PGBD5: variants seen among roughly 807,000 people sequenced by gnomAD.
PGBD5 encodes piggyBac transposable element-derived protein 5.
A neutral mutation model predicts 47.9 loss-of-function variants in PGBD5; 14 were observed. The observed-to-expected ratio is 0.29, with a 90% CI of 0.19 to 0.46. The LOEUF (loss-of-function observed/expected upper bound fraction) is 0.46, where lower values mean the gene tolerates loss of function less well. Among genes scored for constraint, PGBD5 ranks in the 20% least tolerant of loss-of-function variants. The probability of loss-of-function intolerance (pLI) is 1.00; values close to 1 mark genes in which losing one functional copy is unlikely to be tolerated. For synonymous variants in PGBD5, 316 were observed against 306.3 expected (o/e 1.03, Z -0.33); for missense variants, 635 against 716.0 (o/e 0.89, Z 1.29).
chr1:230,423,648 A>G (rs928995642), intron 1 of PGBD5, among the ~76,000 whole-genome samples: 4 of 152,184 alleles, frequency 2.6e-5, no homozygotes, highest in Non-Finnish European at 5.9e-5. Flanking sequence ...TCATCCCTCC[A>G]TTCTCCACCA....
chr1:230,417,159 C>A lies in PGBD5; in HGVS notation c.331+8439G>T, dbSNP rs138086666. Among the ~76,000 whole-genome samples the A allele has an allele frequency of 1.3e-3, 205 of 152,256 alleles. 1 individual carries two copies. In the Middle Eastern group the frequency reaches 0.02, roughly 15 times the overall value. ...CCTGTGGGAGAATAGGCAAGCATTC[C>A]TTCTCCATAGTCAGATATTTCAGGG... On this transcript the variant is annotated intron_variant, in intron 1 of 6. Transcript: ENST00000391860.
chr1:230,402,161 T>G (rs997242770), intron 1 of PGBD5, among the ~76,000 whole-genome samples: 3 of 152,248 alleles, frequency 2.0e-5, no homozygotes, highest in Admixed American at 1.3e-4. Flanking sequence ...ACTAAGCATA[T>G]TCTGTAACCA....
chr1:230,369,336 C>T (rs1196788669), intron 1 of PGBD5, among the ~76,000 whole-genome samples: 2 of 152,246 alleles, frequency 1.3e-5, no homozygotes, highest in African/African-American at 2.4e-5. Flanking sequence ...ACCTATAAGA[C>T]AGGCTCATGG....
intron 1 of PGBD5, among the ~76,000 whole-genome samples, chr1:230,414,186 G>A (rs1657469166): frequency 6.6e-6 from 1 of 152,126 alleles, no homozygotes; most frequent in South Asian, 2.1e-4. Context: ...CCCATCTGGT[G>A]CCTGGAGTCA....
chr1:230,401,651 C>A lies in PGBD5; in HGVS notation c.331+23947G>T, dbSNP rs190117990. On this transcript the variant is annotated intron_variant, in intron 1 of 6. Coordinates refer to ENST00000391860, the MANE Select transcript of PGBD5 (RefSeq NM_001258311.2). ...AAACACACTGGCCTCAGCAAGTAATCAGATTTTACCCTTCATAATCTAGGG... is the reference window on the plus strand; with the variant it reads ...AAACACACTGGCCTCAGCAAGTAATAAGATTTTACCCTTCATAATCTAGGG... 1.9e-4 allele frequency among the ~76,000 whole-genome samples: 29 copies of A among 152,340 alleles called. No individual in the cohort carries two copies. The East Asian group carries it at 4.8e-3, about 25-fold the overall frequency.
chr1:230,341,542 G>C (rs941731921), intron 3 of PGBD5, among the ~76,000 whole-genome samples: 1 of 152,158 alleles, frequency 6.6e-6, no homozygotes, highest in Non-Finnish European at 1.5e-5. Flanking sequence ...CAGAATCACT[G>C]GGAACCCACA....
At chr1:230,380,644 C>T (rs1656441876) in intron 1 of PGBD5, among the ~76,000 whole-genome samples, 1 of 152,230 alleles carries the variant, frequency 6.6e-6, no homozygotes, top group Admixed American at 6.5e-5. Flanking sequence ...CAGGTTATGG[C>T]TTTAGGGTTT....
intron 4 of PGBD5, among the ~76,000 whole-genome samples, chr1:230,333,364 C>T (rs11585755): frequency 0.013 from 1,963 of 152,286 alleles, 22 homozygotes; most frequent in Non-Finnish European, 0.019. Flanking sequence ...ACTTGGGTGT[C>T]CAGCACAGCA....
intron 1 of PGBD5, among the ~76,000 whole-genome samples, chr1:230,396,340 CTATTCT>C (rs1196780865): frequency 7.0e-6 from 1 of 142,040 alleles, no homozygotes; most frequent in East Asian, 2.2e-4. Flanking sequence ...CCTCTACTCC[CTATTCT>C]TAAGTTACTC....
chr1:230,387,677 G>C (rs1006143164), intron 1 of PGBD5, among the ~76,000 whole-genome samples: 36 of 152,300 alleles, frequency 2.4e-4, no homozygotes, highest in African/African-American at 8.4e-4. Context: ...GGTGATTCGG[G>C]TTAAGGAGGT....
At chr1:230,384,418 G>A (rs1277745172) in intron 1 of PGBD5, among the ~76,000 whole-genome samples, 1 of 151,970 alleles carries the variant, frequency 6.6e-6, no homozygotes, top group East Asian at 1.9e-4. Flanking sequence ...TCTGGGGAGA[G>A]ACCAACCCAG....
intron 5 of PGBD5, among the ~76,000 whole-genome samples, chr1:230,325,753 T>C (rs1036695240): frequency 2.0e-5 from 3 of 151,672 alleles, no homozygotes; most frequent in Non-Finnish European, 4.4e-5. Context: ...CTTGAAAGAG[T>C]GAAAGCGGAG....
chr1:230,328,604 CAT>C (rs977996778), intron 5 of PGBD5, among the ~76,000 whole-genome samples: 6 of 152,190 alleles, frequency 3.9e-5, no homozygotes, highest in African/African-American at 1.2e-4. Flanking sequence ...GATCTGCACA[CAT>C]GTCTATCTTC....
At chr1:230,402,289 G>C (rs914473026) in intron 1 of PGBD5, among the ~76,000 whole-genome samples, 5 of 152,202 alleles carry the variant, frequency 3.3e-5, no homozygotes, top group African/African-American at 1.2e-4. Context: ...GCCTAGGCAG[G>C]CCCACAGAAG....
intron 3 of PGBD5, among the ~76,000 whole-genome samples, chr1:230,350,424 C>T (rs34636747): frequency 0.024 from 3,682 of 152,292 alleles, 66 homozygotes; most frequent in Non-Finnish European, 0.035. Context: ...TCCTATGACT[C>T]GGGCACGTGC....
rs1195116534 is a variant in PGBD5, at chr1:230,425,693, G to T, written c.236C>A (p.Ala79Asp). Reference sequence around the variant, plus strand: ...CTCCTCCGGCTCCTGTGCGTCCGGGGCGCGGGGCGGTGGCGGGGCGGCCCC... The same window carrying T: ...CTCCTCCGGCTCCTGTGCGTCCGGGTCGCGGGGCGGTGGCGGGGCGGCCCC... The part of the protein sequence containing the change: ...PPGAAPPPPR[A>D]PDAQEPEEDE... The change falls in exon 1 of 7, where the codon GCC (alanine) becomes GAC (aspartate). Residue 79 changes from alanine to aspartate, a missense_variant. Physicochemically the swap from Ala to Asp is moderately radical, Grantham distance 126. Coordinates refer to ENST00000391860, the MANE Select transcript of PGBD5 (RefSeq NM_001258311.2). This position sits in a 1 kb window ranked among gnomAD's most constrained non-coding sequence, Gnocchi z 4.7. 16 of 1,216,344 alleles carry T rather than the reference G, an allele frequency of 1.3e-5. No homozygotes were observed. The highest frequency in any genetic ancestry group is 1.6e-5 in the African/African-American group (1 of 63,600). 75.3% of individuals were successfully genotyped at this position (1,216,344 alleles called of 1,614,324 possible). A position where few individuals can be genotyped will look rare whatever the true frequency, so the allele number is the denominator to read the frequency against.
chr1:230,341,137 TGA>T (rs1667402099), intron 3 of PGBD5, among the ~76,000 whole-genome samples: 1 of 152,148 alleles, frequency 6.6e-6, no homozygotes, highest in Admixed American at 6.5e-5. Context: ...TATAAAATAA[TGA>T]GTTTCTAAAA....
intron 1 of PGBD5, among the ~76,000 whole-genome samples, chr1:230,388,846 G>C (rs1458628124): frequency 6.6e-6 from 1 of 152,202 alleles, no homozygotes; most frequent in Non-Finnish European, 1.5e-5. Flanking sequence ...AGCAGCAAAG[G>C]AGCTGCTAGC....
intron 2 of PGBD5, 21 bp downstream of exon 2, chr1:230,356,873 T>G: frequency 6.2e-7 from 1 of 1,605,436 alleles, no homozygotes; most frequent in Non-Finnish European, 8.5e-7. Context: ...GACAAGCTCT[T>G]ACGTCCTGCG....
Sources: gnomAD v4.1 joint callset for allele counts (sites outside exome capture counted in the v4.1 genomes callset) on GRCh38, gnomAD v4.1.1 for gene constraint, Gnocchi (gnomAD v3.1) non-coding constraint, MANE v1.5 for transcripts, NCBI Gene and HGNC (gene_info 2026-07-23, HGNC 2026-07-21) for gene names.